SLITRK2: variants seen among roughly 807,000 people sequenced by gnomAD.
The protein encoded by SLITRK2 is SLIT and NTRK-like protein 2.
SLITRK2 carries 13 observed loss-of-function variants against 35.4 expected under a neutral mutation model. That is an observed-to-expected ratio of 0.37 (90% CI 0.24 to 0.58). The LOEUF (loss-of-function observed/expected upper bound fraction) is 0.58, where lower values mean the gene tolerates loss of function less well. SLITRK2 is among the 20% of genes least tolerant of loss of function. The probability of loss-of-function intolerance (pLI) is 0.75; values close to 1 mark genes in which losing one functional copy is unlikely to be tolerated. For synonymous variants in SLITRK2, 294 were observed against 264.7 expected (o/e 1.11, Z -1.07); for missense variants, 471 against 634.3 (o/e 0.74, Z 2.76).
Position 145,826,917 on chromosome X carries a change from T to A in SLITRK2, c.*1954T>A, listed in dbSNP as rs1375456020. 5 of 112,171 alleles carry A rather than the reference T, an allele frequency of 4.5e-5. No homozygotes were observed. Among genetic ancestry groups the A allele is most frequent in the African/African-American group, 1.6e-4 (5 of 30,915 alleles). The allele number at this position is 112,171 out of a possible 1,213,427, so 9.2% of individuals were successfully genotyped here. A position where few individuals can be genotyped will look rare whatever the true frequency, so the allele number is the denominator to read the frequency against. ...AATTATTTGGATTAATGATTACTGG[T>A]GTAAAATAGTTGTTTGTAAAAACAA... On this transcript the variant is annotated 3_prime_UTR_variant, in exon 5 of 5. Coordinates refer to ENST00000335565, the MANE Select transcript of SLITRK2 (RefSeq NM_032539.5).
In SLITRK2 at chrX:145,827,473, T is replaced by C. The variant is rs2073136731; in HGVS notation, c.*2510T>C. 2 of 309,806 alleles carry C rather than the reference T, an allele frequency of 6.5e-6. No individual in the cohort carries two copies. Among genetic ancestry groups the C allele is most frequent in the Non-Finnish European group, 1.1e-5 (2 of 184,397 alleles). The allele number at this position is 309,806 out of a possible 1,213,427, so 25.5% of individuals were successfully genotyped here. A position where few individuals can be genotyped will look rare whatever the true frequency, so the allele number is the denominator to read the frequency against. On this transcript the variant is annotated 3_prime_UTR_variant, in exon 5 of 5. Coordinates refer to ENST00000335565, the MANE Select transcript of SLITRK2 (RefSeq NM_032539.5). ...GTAAAGATACTCCTGTAAAATGCCA[T>C]TGTCCATAGAAAAAATATTAACTCA...
rs2124160836 is a variant in SLITRK2, at chrX:145,822,947, C to T, written c.522C>T (p.Pro174=). ...ILNDNLLLSL[P]SNVFRFVLLT... is the part of the protein sequence containing the mutation. ...ATGACAACCTTCTGCTTTCACTGCCCAGCAATGTGTTCCGCTTTGTCCTGC... is the reference window on the plus strand; with the variant it reads ...ATGACAACCTTCTGCTTTCACTGCCTAGCAATGTGTTCCGCTTTGTCCTGC... Residue 174 remains proline (P), a synonymous_variant, in exon 5 of 5, where the codon CCC becomes CCT. Transcript: ENST00000335565. The T allele has an allele frequency of 8.3e-7, 1 of 1,211,580 alleles. No individual in the cohort carries two copies. Among genetic ancestry groups the T allele is most frequent in the Non-Finnish European group, 1.1e-6 (1 of 895,436 alleles).
rs1376175417 is a variant in SLITRK2 at position 145,825,280 on chromosome X, C to A, written c.*317C>A. 1 of 191,676 alleles carries A rather than the reference C, an allele frequency of 5.2e-6. No homozygotes were observed. Among genetic ancestry groups the A allele is most frequent in the South Asian group, 3.5e-4 (1 of 2,841 alleles). 15.8% of individuals were successfully genotyped at this position (191,676 alleles called of 1,213,427 possible). The stretch of plus-strand genomic sequence containing the variant: ...ATAGATTTTGTTTATGGTTTTGTTT[C>A]TTTTTTCTTCTTTGTTTTTCAGTGT... On this transcript the variant is annotated 3_prime_UTR_variant, in exon 5 of 5. Coordinates refer to ENST00000335565, the MANE Select transcript of SLITRK2 (RefSeq NM_032539.5).
chrX:145,827,920 T>C lies in SLITRK2; in HGVS notation c.*2957T>C, dbSNP rs781924785. 3.3e-6 allele frequency: 4 copies of C among 1,210,279 alleles called. No homozygotes were observed. Among genetic ancestry groups the C allele is most frequent in the Middle Eastern group, 2.3e-4 (1 of 4,373 alleles). On this transcript the variant is annotated 3_prime_UTR_variant, in exon 5 of 5. Transcript: ENST00000335565. ...ATTTCACATGCAGCTTTAAGACGTA[T>C]GAGCATCAGCACAGCAAAATGGTTC...
At chrX:145,820,415 C>T (rs1422536325) in intron 1 of SLITRK2, 59 bp from the exon 2 acceptor site, 1 of 112,631 alleles carries the variant, frequency 8.9e-6, no homozygotes, top group Admixed American at 9.3e-5. Context: ...GCTATTTAAA[C>T]CCGCATTGGA....
At position 145,827,705 on chromosome X, in the gene SLITRK2, T is replaced by C. The variant is rs1556946115; in HGVS notation, c.*2742T>C. ...GTATTCCAGACTATTTTATTTAAAA[T>C]CATCATACATCATATACTTTGAACC... On this transcript the variant is annotated 3_prime_UTR_variant, in exon 5 of 5. Transcript: ENST00000335565. 8.8e-7 allele frequency: 1 copy of C among 1,138,987 alleles called. No homozygotes were observed. The highest frequency in any genetic ancestry group is 2.0e-5 in the South Asian group (1 of 49,914). The allele number at this position is 1,138,987 out of a possible 1,213,427, so 93.9% of individuals were successfully genotyped here.
chrX:145,827,936 A>C lies in SLITRK2; in HGVS notation c.*2973A>C. ...TAAGACGTATGAGCATCAGCACAGC[A>C]AAATGGTTCCAGCCTACAGAATGCA... On this transcript the variant is annotated 3_prime_UTR_variant, in exon 5 of 5. Coordinates refer to ENST00000335565, the MANE Select transcript of SLITRK2 (RefSeq NM_032539.5). 2 of 1,211,464 alleles carry C rather than the reference A, an allele frequency of 1.7e-6. No homozygotes were observed. Among genetic ancestry groups the C allele is most frequent in the Non-Finnish European group, 2.2e-6 (2 of 895,317 alleles).
At position 145,824,273 on chromosome X, in the gene SLITRK2, T is replaced by C. The variant is rs781956503; in HGVS notation, c.1848T>C (p.Val616=). 1.7e-6 allele frequency: 2 copies of C among 1,211,176 alleles called. No homozygotes were observed. The highest frequency in any genetic ancestry group is 2.2e-6 in the Non-Finnish European group (2 of 895,061). ...PSSYPELHTE[V]PLSVLILGLL... ...CCTATCCTGAACTACACACTGAAGT[T>C]CCACTGTCTGTCTTAATTCTGGGAT... Residue 616 remains valine (V), a synonymous_variant, in exon 5 of 5, where the codon GTT becomes GTC. Transcript: ENST00000335565.
In SLITRK2 at chrX:145,824,499, G is replaced by A. The variant is rs2124203811; in HGVS notation, c.2074G>A (p.Val692Met). The A allele has an allele frequency of 8.3e-7, 1 of 1,211,398 alleles. No homozygotes were observed. The highest frequency in any genetic ancestry group is 1.1e-6 in the Non-Finnish European group (1 of 895,418). ...GHVYNYIPPP[V>M]GQMCQNPIYM... Reference sequence around the variant, plus strand: ...TGTCTACAACTATATCCCCCCACCTGTGGGTCAGATGTGCCAAAACCCCAT... The same window carrying A: ...TGTCTACAACTATATCCCCCCACCTATGGGTCAGATGTGCCAAAACCCCAT... Residue 692 changes from valine to methionine, a missense_variant, in exon 5 of 5, where the codon GTG becomes ATG. By Grantham distance (21) the Val-to-Met change is conservative. Transcript: ENST00000335565.
chrX:145,824,258 A>G lies in SLITRK2; in HGVS notation c.1833A>G (p.Glu611=). Residue 611 remains glutamate (E), a synonymous_variant, in exon 5 of 5, where the codon GAA becomes GAG. Coordinates refer to ENST00000335565, the MANE Select transcript of SLITRK2 (RefSeq NM_032539.5). ...SLSVSPSSYP[E]LHTEVPLSVL... ...GTGTGTCTCCTAGTTCCTATCCTGAACTACACACTGAAGTTCCACTGTCTG... is the reference window on the plus strand; with the variant it reads ...GTGTGTCTCCTAGTTCCTATCCTGAGCTACACACTGAAGTTCCACTGTCTG... 1 of 1,210,783 alleles carries G rather than the reference A, an allele frequency of 8.3e-7. No individual in the cohort carries two copies. The highest frequency in any genetic ancestry group is 2.3e-4 in the Middle Eastern group (1 of 4,353).
Position 145,828,721 on chromosome X carries a change from G to T in SLITRK2, c.*3758G>T, listed in dbSNP as rs2073148040. The T allele has an allele frequency of 8.1e-6, 1 of 122,915 alleles. No individual in the cohort carries two copies. Among genetic ancestry groups the T allele is most frequent in the South Asian group, 3.8e-4 (1 of 2,647 alleles). 10.1% of individuals were successfully genotyped at this position (122,915 alleles called of 1,213,427 possible). On this transcript the variant is annotated 3_prime_UTR_variant, in exon 5 of 5. Coordinates refer to ENST00000335565, the MANE Select transcript of SLITRK2 (RefSeq NM_032539.5). The stretch of plus-strand genomic sequence containing the variant: ...TGCAGGAAGTTAAGTTTTTAAAGGT[G>T]ATTCTGTGCAGTAAGGTATAAAACA...
chrX:145,824,176 T>G lies in SLITRK2; in HGVS notation c.1751T>G (p.Leu584Trp). Residue 584 changes from leucine (L) to tryptophan (W), a missense_variant, in exon 5 of 5, where the codon TTG becomes TGG. Leu to Trp is a moderately conservative substitution (Grantham distance 61). Transcript: ENST00000335565. ...REAICPDSPN[L>W]SDGTVLSMNH... ...GCTATCTGTCCAGACAGCCCAAACT[T>G]GTCAGATGGAACCGTCTTGTCAATG... 1 of 1,209,792 alleles carries G rather than the reference T, an allele frequency of 8.3e-7. No individual in the cohort carries two copies. Among genetic ancestry groups the G allele is most frequent in the Non-Finnish European group, 1.1e-6 (1 of 894,539 alleles).
Position 145,829,723 on chromosome X carries a change from T to G in SLITRK2, c.*4760T>G, listed in dbSNP as rs1425775009. 1 of 123,907 alleles carries G rather than the reference T, an allele frequency of 8.1e-6. No homozygotes were observed. The highest frequency in any genetic ancestry group is 1.9e-5 in the Non-Finnish European group (1 of 53,418). The allele number at this position is 123,907 out of a possible 1,213,427, so 10.2% of individuals were successfully genotyped here. ...TGAAATTTTTTAGCAGTACTTTAGC[T>G]TGAAAGTACTCGTACAAATACTGTT... On this transcript the variant is annotated 3_prime_UTR_variant, in exon 5 of 5. Transcript: ENST00000335565.
rs2073110733 is a variant in SLITRK2 at position 145,825,302 on chromosome X, G to C, written c.*339G>C. On this transcript the variant is annotated 3_prime_UTR_variant, in exon 5 of 5. Transcript: ENST00000335565. ...TTTCTTTTTTCTTCTTTGTTTTTCA[G>C]TGTGGGAGTGGGAAGAGGAGATTAT... 5.2e-6 allele frequency: 1 copy of C among 193,936 alleles called. No individual in the cohort carries two copies. The highest frequency in any genetic ancestry group is 7.8e-5 in the Admixed American group (1 of 12,833). The allele number at this position is 193,936 out of a possible 1,213,427, so 16.0% of individuals were successfully genotyped here.
In SLITRK2 at chrX:145,826,791, T is replaced by A. The variant is rs2073131583; in HGVS notation, c.*1828T>A. The A allele has an allele frequency of 8.9e-6, 1 of 112,064 alleles. No individual in the cohort carries two copies. The highest frequency in any genetic ancestry group is 9.5e-5 in the Admixed American group (1 of 10,538). The allele number at this position is 112,064 out of a possible 1,213,427, so 9.2% of individuals were successfully genotyped here. ...GTCATGTGGAGATTGAAGTGGATAC[T>A]GATAACTTACTTTTAAAGCTTTAAA... On this transcript the variant is annotated 3_prime_UTR_variant, in exon 5 of 5. Coordinates refer to ENST00000335565, the MANE Select transcript of SLITRK2 (RefSeq NM_032539.5).
Position 145,829,172 on chromosome X carries a change from T to C in SLITRK2, c.*4209T>C, listed in dbSNP as rs1051829887. Reference sequence around the variant, plus strand: ...TGTACTTTGCTTCTCACAATGATTGTGCAAAAAGTCACGTGTAAATTGAAC... The same window carrying C: ...TGTACTTTGCTTCTCACAATGATTGCGCAAAAAGTCACGTGTAAATTGAAC... On this transcript the variant is annotated 3_prime_UTR_variant, in exon 5 of 5. Transcript: ENST00000335565. 3.2e-5 allele frequency: 4 copies of C among 123,871 alleles called. No individual in the cohort carries two copies. Among genetic ancestry groups the C allele is most frequent in the Non-Finnish European group, 7.5e-5 (4 of 53,443 alleles). The allele number at this position is 123,871 out of a possible 1,213,427, so 10.2% of individuals were successfully genotyped here. A position where few individuals can be genotyped will look rare whatever the true frequency, so the allele number is the denominator to read the frequency against.
rs2073077964 is a variant in SLITRK2 at position 145,824,224 on chromosome X, G to A, written c.1799G>A (p.Arg600Gln). 3.3e-6 allele frequency: 4 copies of A among 1,209,048 alleles called. No individual in the cohort carries two copies. Among genetic ancestry groups the A allele is most frequent in the South Asian group, 3.5e-5 (2 of 56,692 alleles). The part of the protein sequence containing the change: ...LSMNHNTDTP[R>Q]SLSVSPSSYP... ...ATGAATCACAATACAGACACACCTCGGTCGCTTAGTGTGTCTCCTAGTTCC... is the reference window on the plus strand; with the variant it reads ...ATGAATCACAATACAGACACACCTCAGTCGCTTAGTGTGTCTCCTAGTTCC... The change falls in exon 5 of 5, where the codon CGG (arginine) becomes CAG (glutamine). Residue 600 changes from arginine to glutamine, a missense_variant. Around this residue, in one of 7 missense-constraint regions of SLITRK2, gnomAD observed 190 missense variants for 199.3 expected, o/e 0.95. Coordinates refer to ENST00000335565, the MANE Select transcript of SLITRK2 (RefSeq NM_032539.5).
rs2124218751 is a variant in SLITRK2 at position 145,825,004 on chromosome X, C to T, written c.*41C>T. On this transcript the variant is annotated 3_prime_UTR_variant, in exon 5 of 5. Transcript: ENST00000335565. ...AACCCTAAGGCATCAGAGGATGCTG[C>T]TCCGAACTGTTGGAAACAAGGACAT... 8.6e-7 allele frequency: 1 copy of T among 1,159,436 alleles called. No individual in the cohort carries two copies. The highest frequency in any genetic ancestry group is 1.2e-6 in the Non-Finnish European group (1 of 868,435).
chrX:145,822,356 C>A, intron 4 of SLITRK2, 27 bp from the exon 5 acceptor site: 3 of 968,509 alleles, frequency 3.1e-6, no homozygotes, highest in Non-Finnish European at 4.3e-6. Context: ...TCCCTGCACC[C>A]GCTTCTTCCC....
Sources: allele counts gnomAD v4.1 joint callset, GRCh38; gene constraint gnomAD v4.1.1; regional missense constraint gnomAD v4.1.1; transcripts MANE v1.5; gene names NCBI Gene and HGNC (gene_info 2026-07-23, HGNC 2026-07-21).